CDC42BPG: variants seen among roughly 807,000 people sequenced by gnomAD.
CDC42BPG encodes CDC42 binding protein kinase gamma, also known as serine/threonine-protein kinase MRCK gamma.
Under a neutral mutation model 192.2 loss-of-function variants are expected in CDC42BPG, and 157 were observed. The observed-to-expected ratio is 0.82, with a 90% CI of 0.72 to 0.93. CDC42BPG has a LOEUF of 0.93. Among genes scored for constraint, CDC42BPG ranks in the 40% least tolerant of loss-of-function variants. CDC42BPG has a pLI of 0.00. For synonymous variants in CDC42BPG, 981 were observed against 918.5 expected (o/e 1.07, Z -1.23); for missense variants, 1,992 against 2,122.1 (o/e 0.94, Z 1.20).
chr11:64,833,353 C>T lies in CDC42BPG; in HGVS notation c.2626-17G>A. The stretch of plus-strand genomic sequence containing the variant: ...TGAGCCGGGCTGGGGAGGGGGACAG[C>T]CATTACCCAAGGCCTCCCAGGGCCC... On this transcript the variant is annotated splice_polypyrimidine_tract_variant and intron_variant, in intron 23 of 36. Coordinates refer to ENST00000342711, the MANE Select transcript of CDC42BPG (RefSeq NM_017525.3). 1.5e-6 allele frequency: 2 copies of T among 1,364,384 alleles called. No individual in the cohort carries two copies. The highest frequency in any genetic ancestry group is 2.0e-6 in the Non-Finnish European group (2 of 999,710). 84.5% of individuals were successfully genotyped at this position (1,364,384 alleles called of 1,614,324 possible). A position where few individuals can be genotyped will look rare whatever the true frequency, so the allele number is the denominator to read the frequency against.
rs772482818 is a variant in CDC42BPG at position 64,829,841 on chromosome 11, G to C, written c.3597C>G (p.Val1199=). 6.2e-7 allele frequency: 1 copy of C among 1,606,340 alleles called. No homozygotes were observed. The highest frequency in any genetic ancestry group is 1.1e-5 in the South Asian group (1 of 90,520). The change falls in exon 30 of 37, where the codon GTC becomes GTG. Residue 1199 remains valine, a synonymous_variant. Transcript: ENST00000342711. ...GCTGGTAGCAGAGCACCTGGCGCTT[G>C]ACGGCTACACAGAGCACCGGGGTGC... ...QARTPVLCVA[V]KRQVLCYQLG...
chr11:64,831,957 GA>G (rs1455404521), intron 27 of CDC42BPG, among the ~76,000 whole-genome samples: 1 of 152,276 alleles, frequency 6.6e-6, no homozygotes, highest in Non-Finnish European at 1.5e-5. Flanking sequence ...AGTGAAGGAT[GA>G]CTTCCCAGGA....
At chr11:64,835,017 T>TGCCCCCCCCCCCCCCCCCCCCGGCCC in intron 17 of CDC42BPG, 30 bp downstream of exon 17, 1 of 1,571,952 alleles carries the variant, frequency 6.4e-7, no homozygotes, top group Non-Finnish European at 8.7e-7. Context: ...TCGCCTGCGT[T>TGCCCCCCCCCCCCCCCCCCCCGGCCC]CCCCACCCCG....
chr11:64,827,318 A>AG lies in CDC42BPG; in HGVS notation c.4230dup (p.Phe1411LeufsTer136), dbSNP rs1261973544. 6.2e-7 allele frequency: 1 copy of AG among 1,613,958 alleles called. No individual in the cohort carries two copies. The highest frequency in any genetic ancestry group is 1.1e-5 in the South Asian group (1 of 91,070). On this transcript the variant is annotated frameshift_variant, in exon 33 of 37. Coordinates refer to ENST00000342711, the MANE Select transcript of CDC42BPG (RefSeq NM_017525.3). LOFTEE classifies it high-confidence loss of function. ...TGCTGCTCCTCCGACACGCGGAAAA[A>AG]GAAGCGGCGCTTGCTCTTGGTGCGG... is the stretch of plus-strand genomic sequence containing the variant.
At position 64,827,731 on chromosome 11, in the gene CDC42BPG, A is replaced by G. The variant is rs780474937; in HGVS notation, c.4020T>C (p.Phe1340=). ...TVFSENSIDV[F]DVRRAEWVQT... is the part of the protein sequence containing the mutation. Reference sequence around the variant, plus strand: ...GCACCCATTCTGCCCTCCTCACGTCAAACACATCGATGGAGTTCTCGCTGA... The same window carrying G: ...GCACCCATTCTGCCCTCCTCACGTCGAACACATCGATGGAGTTCTCGCTGA... Residue 1340 remains phenylalanine (F), a synonymous_variant, in exon 31 of 37, where the codon TTT becomes TTC. Transcript: ENST00000342711. 5.1e-5 allele frequency: 83 copies of G among 1,613,144 alleles called. No homozygotes were observed. The highest frequency in any genetic ancestry group is 6.6e-5 in the Non-Finnish European group (78 of 1,179,612).
Position 64,841,655 on chromosome 11 carries a change from C to T in CDC42BPG, c.331G>A (p.Ala111Thr). 2.5e-6 allele frequency: 4 copies of T among 1,613,444 alleles called. No individual in the cohort carries two copies. Among genetic ancestry groups the T allele is most frequent in the Non-Finnish European group, 3.4e-6 (4 of 1,179,852 alleles). The change falls in exon 3 of 37, where the codon GCT (alanine) becomes ACT (threonine). Residue 111 changes from alanine to threonine, a missense_variant. This residue lies in a region of CDC42BPG where 1,656 missense variants were observed against 1,844.3 expected (regional missense o/e 0.90). Transcript: ENST00000342711. ...CCCCCAGACTCCACACTGACCTCAG[C>T]CCTCTTCAGCATCTCCCACTTGTGC... The part of the protein sequence containing the change: ...MLHKWEMLKR[A>T]ETACFREERD...
chr11:64,827,914 G>A (rs768470762), intron 30 of CDC42BPG, 131 bp from the exon 31 acceptor site: 22 of 704,320 alleles, frequency 3.1e-5, no homozygotes, highest in Non-Finnish European at 4.4e-5. Flanking sequence ...CCTGTCGCCC[G>A]GCCCAGCCTC....
chr11:64,833,871 C>T lies in CDC42BPG; in HGVS notation c.2467-35G>A, dbSNP rs748462735. On this transcript the variant is annotated intron_variant, in intron 21 of 36. Transcript: ENST00000342711. ...GGAGAGAGAGGAGCAAAGTCAAGGT[C>T]CCTGTGCCTCTCCCAGAACTTCTCC... 4.3e-6 allele frequency: 7 copies of T among 1,614,042 alleles called. No individual in the cohort carries two copies. In the East Asian group the frequency reaches 1.6e-4, roughly 36 times the overall value.
chr11:64,836,717 G>C lies in CDC42BPG; in HGVS notation c.1384+22C>G, dbSNP rs781288537. On this transcript the variant is annotated intron_variant, in intron 11 of 36. Transcript: ENST00000342711. ...GTGGGACTCAGCCCTGGGGGGGGGG[G>C]GGGGGTGGGCGGAAGGGATACCTGG... 31 of 858,640 alleles carry C rather than the reference G, an allele frequency of 3.6e-5. 3 individuals are homozygous for C. Among genetic ancestry groups the C allele is most frequent in the African/African-American group, 5.3e-5 (3 of 56,334 alleles). The allele number at this position is 858,640 out of a possible 1,614,324, so 53.2% of individuals were successfully genotyped here. A position where few individuals can be genotyped will look rare whatever the true frequency, so the allele number is the denominator to read the frequency against.
chr11:64,827,306 ACACGCGGAAAAAG>A lies in CDC42BPG; in HGVS notation c.4230_4242del (p.Phe1411ArgfsTer13). 6.2e-7 allele frequency: 1 copy of A among 1,613,834 alleles called. No individual in the cohort carries two copies. Among genetic ancestry groups the A allele is most frequent in the Admixed American group, 1.7e-5 (1 of 60,012 alleles). ...CGCTGCTGCTTCTGCTGCTCCTCCG[ACACGCGGAAAAAG>A]AAGCGGCGCTTGCTCTTGGTGCGGA... On this transcript the variant is annotated frameshift_variant, in exon 33 of 37. Coordinates refer to ENST00000342711, the MANE Select transcript of CDC42BPG (RefSeq NM_017525.3). LOFTEE classifies it high-confidence loss of function.
Position 64,836,726 on chromosome 11 carries a change from G to GGGGGGGGGGGGGGGGGC in CDC42BPG, c.1384+12_1384+13insGCCCCCCCCCCCCCCCC. 1 of 889,338 alleles carries GGGGGGGGGGGGGGGGGC rather than the reference G, an allele frequency of 1.1e-6. No individual in the cohort carries two copies. The allele number at this position is 889,338 out of a possible 1,614,324, so 55.1% of individuals were successfully genotyped here. ...AGCCCTGGGGGGGGGGGGGGGGTGG[G>GGGGGGGGGGGGGGGGGC]CGGAAGGGATACCTGGCAGCCTGTC... On this transcript the variant is annotated intron_variant, in intron 11 of 36. Transcript: ENST00000342711.
At position 64,826,457 on chromosome 11, in the gene CDC42BPG, C is replaced by A; in HGVS notation, c.4599+13G>T. On this transcript the variant is annotated intron_variant, in intron 36 of 36. Coordinates refer to ENST00000342711, the MANE Select transcript of CDC42BPG (RefSeq NM_017525.3). ...TTGAATAGGGGACGGACAAGCCTCC[C>A]GGACCCGCTCACCTGCATTAGGGAG... 1 of 1,577,316 alleles carries A rather than the reference C, an allele frequency of 6.3e-7. No individual in the cohort carries two copies. Among genetic ancestry groups the A allele is most frequent in the Non-Finnish European group, 8.6e-7 (1 of 1,158,544 alleles).
chr11:64,832,339 G>A (rs779150872), intron 27 of CDC42BPG, 89 bp downstream of exon 27: 11 of 1,344,390 alleles, frequency 8.2e-6, no homozygotes, highest in Non-Finnish European at 1.2e-5. Context: ...TGGCCCAAGA[G>A]GGCAGTATGA....
intron 16 of CDC42BPG, 43 bp downstream of exon 16, chr11:64,835,304 C>T (rs1434314546): frequency 6.2e-7 from 1 of 1,612,766 alleles, no homozygotes; most frequent in Admixed American, 1.7e-5. Flanking sequence ...TCCCCATTGC[C>T]TTGTCCGTCT....
intron 1 of CDC42BPG, among the ~76,000 whole-genome samples, chr11:64,843,649 G>A (rs1030509785): frequency 1.3e-5 from 2 of 152,162 alleles, no homozygotes; most frequent in South Asian, 2.1e-4. Flanking sequence ...TCCAGCTGGC[G>A]CCAGTGCCCA....
At chr11:64,832,330 G>A (rs1371248896) in intron 27 of CDC42BPG, 98 bp downstream of exon 27, 4 of 1,237,370 alleles carry the variant, frequency 3.2e-6, no homozygotes, top group Non-Finnish European at 4.7e-6. Context: ...GTTGTGGGCT[G>A]GCCCAAGAGG....
chr11:64,837,902 C>T (rs572519578), intron 9 of CDC42BPG, among the ~76,000 whole-genome samples, 181 bp downstream of exon 9: 3 of 152,322 alleles, frequency 2.0e-5, no homozygotes, highest in South Asian at 4.1e-4. Context: ...GCATGTGGCC[C>T]AGCAGGACCT....
intron 24 of CDC42BPG, 63 bp from the exon 25 acceptor site, chr11:64,833,022 C>CA: frequency 4.1e-6 from 6 of 1,479,016 alleles, no homozygotes; most frequent in Non-Finnish European, 5.4e-6. Flanking sequence ...CAAACCAGGA[C>CA]GGGGGCATGT....
chr11:64,844,271 G>T, intron 1 of CDC42BPG, 139 bp downstream of exon 1: 1 of 785,498 alleles, frequency 1.3e-6, no homozygotes, highest in Non-Finnish European at 1.8e-6. Flanking sequence ...GGGTCCGGTG[G>T]TACGCGTCAG....
Sources: allele counts gnomAD v4.1 joint callset (sites outside exome capture counted in the v4.1 genomes callset), GRCh38; gene constraint gnomAD v4.1.1; regional missense constraint gnomAD v4.1.1; transcripts MANE v1.5; gene names NCBI Gene and HGNC (gene_info 2026-07-23, HGNC 2026-07-21).